Variants in GNB4 observed in about 807,000 individuals in gnomAD.
GNB4 encodes guanine nucleotide-binding protein subunit beta-4.
Under a neutral mutation model 45.2 loss-of-function variants are expected in GNB4, and 28 were observed. That is an observed-to-expected ratio of 0.62 (90% CI 0.46 to 0.85). The LOEUF (loss-of-function observed/expected upper bound fraction) is 0.85. Among genes scored for constraint, GNB4 ranks in the 40% least tolerant of loss-of-function variants. The probability of loss-of-function intolerance (pLI) is 0.00; values close to 1 mark genes in which losing one functional copy is unlikely to be tolerated. For synonymous variants in GNB4, 132 were observed against 143.7 expected (o/e 0.92, Z 0.58); for missense variants, 321 against 425.4 (o/e 0.75, Z 2.16).
Position 179,419,511 on chromosome 3 carries a change from G to C in GNB4, c.97-6C>G. On this transcript the variant is annotated splice_polypyrimidine_tract_variant and splice_region_variant and intron_variant, in intron 3 of 9. Transcript: ENST00000232564. ...GAGTCCATATTTGATGTAATCTTTT[G>C]AAAGCAACAAAAATGTTATTCTTTA... 6.6e-7 allele frequency: 1 copy of C among 1,520,222 alleles called. No homozygotes were observed. Among genetic ancestry groups the C allele is most frequent in the Non-Finnish European group, 9.1e-7 (1 of 1,095,054 alleles). 94.2% of individuals were successfully genotyped at this position (1,520,222 alleles called of 1,614,324 possible). A position where few individuals can be genotyped will look rare whatever the true frequency, so the allele number is the denominator to read the frequency against.
chr3:179,518,568 C>T, the GNB4 span, among the ~76,000 whole-genome samples: 2 of 152,120 alleles, frequency 1.3e-5, no homozygotes, highest in African/African-American at 4.8e-5. Flanking sequence ...CCTCCACTCG[C>T]CCACCCTATA....
At chr3:179,447,646 C>A (rs1403118250) in intron 1 of GNB4, among the ~76,000 whole-genome samples, 1 of 152,112 alleles carries the variant, frequency 6.6e-6, no homozygotes, top group Non-Finnish European at 1.5e-5. Context: ...AGTTGGGGGG[C>A]TCCTGCAGTC....
rs1449649179 is a variant in GNB4, at chr3:179,409,824, AAAACAAAAC to A, written c.699+3579_699+3587del. 1.0e-4 allele frequency among the ~76,000 whole-genome samples: 12 copies of A among 116,812 alleles called. No homozygotes were observed. The South Asian group carries it at 3.5e-3, about 34-fold the overall frequency. The allele number at this position is 116,812 out of a possible 152,430, so 76.6% of individuals were successfully genotyped here. A position where few individuals can be genotyped will look rare whatever the true frequency, so the allele number is the denominator to read the frequency against. The stretch of plus-strand genomic sequence containing the variant: ...ACTCTGTCTCAAAAAAAAAAACAAA[AAAACAAAAC>A]AAAAAAAAAACTAGAAAAAGAAAAG... On this transcript the variant is annotated intron_variant, in intron 8 of 9. Transcript: ENST00000232564.
chr3:179,511,317 T>G, the GNB4 span, among the ~76,000 whole-genome samples: 1 of 152,236 alleles, frequency 6.6e-6, no homozygotes, highest in African/African-American at 2.4e-5. Context: ...GTTCATCTAT[T>G]TATATCCAGC....
chr3:179,519,153 G>A, the GNB4 span, among the ~76,000 whole-genome samples: 1 of 152,198 alleles, frequency 6.6e-6, no homozygotes, highest in East Asian at 1.9e-4. Context: ...CCAGAAATAT[G>A]GCCACTGGGT....
chr3:179,449,556 CA>C (rs1381177328), intron 1 of GNB4, among the ~76,000 whole-genome samples: 1 of 152,158 alleles, frequency 6.6e-6, no homozygotes, highest in East Asian at 1.9e-4. Context: ...CTTCGAATCC[CA>C]GTTGAGTTAC....
intron 9 of GNB4, 131 bp downstream of exon 9, chr3:179,405,056 AAAG>A: frequency 1.7e-6 from 1 of 598,844 alleles, no homozygotes; most frequent in Non-Finnish European, 2.9e-6. Flanking sequence ...AGGTAACAAC[AAAG>A]AACATGATGA....
intron 1 of GNB4, among the ~76,000 whole-genome samples, chr3:179,444,750 C>T (rs566055971): frequency 1.3e-5 from 2 of 152,096 alleles, no homozygotes; most frequent in Non-Finnish European, 2.9e-5. Flanking sequence ...ATTTAATTTG[C>T]AGAATTCTAG....
At chr3:179,452,997 T>C (rs1715922754), upstream of GNB4, among the ~76,000 whole-genome samples, 1 of 152,186 alleles carries the variant, frequency 6.6e-6, no homozygotes, top group African/African-American at 2.4e-5. Context: ...CATAATTACC[T>C]TGAAGTGTGA....
the GNB4 span, among the ~76,000 whole-genome samples, chr3:179,499,604 C>T: frequency 4.6e-5 from 7 of 152,192 alleles, no homozygotes; most frequent in Non-Finnish European, 8.8e-5. Flanking sequence ...TGGGTATATA[C>T]CCAGTAATGG....
intron 1 of GNB4, among the ~76,000 whole-genome samples, chr3:179,427,605 T>TAA (rs67400722): frequency 5.2e-4 from 67 of 129,694 alleles, no homozygotes; most frequent in African/African-American, 1.7e-3. Flanking sequence ...ACTCTGGCTT[T>TAA]AAAAAAAAAA....
chr3:179,420,017 C>T (rs1461666490), intron 3 of GNB4, among the ~76,000 whole-genome samples: 1 of 151,272 alleles, frequency 6.6e-6, no homozygotes, highest in Non-Finnish European at 1.5e-5. Context: ...TAAGAGTTTT[C>T]ATAAGGAAAA....
intron 2 of GNB4, among the ~76,000 whole-genome samples, chr3:179,425,470 AGTTTT>A (rs889558557): frequency 7.9e-5 from 12 of 151,982 alleles, no homozygotes; most frequent in Admixed American, 4.6e-4. Flanking sequence ...TGCCACTGAT[AGTTTT>A]GTTTTGTTTT....
intron 1 of GNB4, among the ~76,000 whole-genome samples, chr3:179,434,263 CATACAGCAGTGAAAACAAAT>C (rs1193645694): frequency 5.9e-5 from 9 of 152,186 alleles, no homozygotes; most frequent in African/African-American, 1.7e-4. Context: ...AGTGAATTAT[CATACAGCAGTGAAAACAAAT>C]GAACTAGTTA....
chr3:179,442,194 T>G (rs946841617), intron 1 of GNB4, among the ~76,000 whole-genome samples: 12 of 152,220 alleles, frequency 7.9e-5, no homozygotes, highest in Admixed American at 6.5e-4. Flanking sequence ...TATTACGTCA[T>G]TGAAACCAAA....
the GNB4 span, among the ~76,000 whole-genome samples, chr3:179,463,202 A>G: frequency 3.3e-5 from 5 of 152,200 alleles, no homozygotes; most frequent in African/African-American, 1.2e-4. Context: ...CCTGAGAGTC[A>G]ATAAGTCAAC....
chr3:179,489,022 ATATATAT>A, the GNB4 span, among the ~76,000 whole-genome samples: 1 of 48,676 alleles, frequency 2.1e-5, no homozygotes, highest in African/African-American at 9.7e-5. Context: ...AAAAAAAAAT[ATATATAT>A]ATATATATAT....
chr3:179,502,217 T>C, the GNB4 span, among the ~76,000 whole-genome samples: 2 of 149,264 alleles, frequency 1.3e-5, no homozygotes, highest in African/African-American at 2.4e-5. Context: ...TTCTGAGCTA[T>C]TTTTTCTTTT....
chr3:179,430,325 G>T (rs564704154), intron 1 of GNB4, among the ~76,000 whole-genome samples: 7 of 151,990 alleles, frequency 4.6e-5, no homozygotes, highest in African/African-American at 1.7e-4. Context: ...CTGGGCTCAA[G>T]CGATCCCCCC....
Sources: allele counts gnomAD v4.1 joint callset (sites outside exome capture counted in the v4.1 genomes callset), GRCh38; gene constraint gnomAD v4.1.1; transcripts MANE v1.5; gene names NCBI Gene and HGNC (gene_info 2026-07-23, HGNC 2026-07-21).